Variants in PCM1 observed in about 807,000 individuals in gnomAD.
PCM1 encodes the protein pericentriolar material 1 protein.
In PCM1, 157 loss-of-function variants were observed where a neutral mutation model predicts 241.9. The observed-to-expected ratio is 0.65, with a 90% confidence interval of 0.57 to 0.74. PCM1 has a LOEUF of 0.74. Among genes scored for constraint, PCM1 ranks in the 30% least tolerant of loss-of-function variants. The pLI is 0.00. For missense variants in PCM1, 3,478 were observed against 2,360.1 expected, an observed-to-expected ratio of 1.47 and a Z score of -9.81; for synonymous variants, 1,085 against 784.9, an observed-to-expected ratio of 1.38 and a Z score of -6.39.
Position 17,939,689 on chromosome 8 carries a change from A to G in PCM1, c.613-2A>G. 1 of 1,499,608 alleles carries G rather than the reference A, an allele frequency of 6.7e-7. No homozygotes were observed. The highest frequency in any genetic ancestry group is 8.9e-7 in the Non-Finnish European group (1 of 1,118,088). 92.9% of individuals were successfully genotyped at this position (1,499,608 alleles called of 1,614,324 possible). A position where few individuals can be genotyped will look rare whatever the true frequency, so the allele number is the denominator to read the frequency against. The stretch of plus-strand genomic sequence containing the variant: ...TTTTTAAAAAAAATATTTCCCCTGC[A>G]GATTGTAAGCAGGCTTGTTCAAATT... On this transcript the variant is annotated splice_acceptor_variant, in intron 5 of 38. Transcript: ENST00000325083. LOFTEE classifies it high-confidence loss of function.
chr8:17,993,419 T>A, intron 28 of PCM1, 64 bp from the exon 29 acceptor site: 1 of 1,070,254 alleles, frequency 9.3e-7, no homozygotes, highest in Non-Finnish European at 1.3e-6. Flanking sequence ...AATTTCAACA[T>A]AAAGGCATAT....
At chr8:18,017,140 A>G (rs759847232) in intron 36 of PCM1, among the ~76,000 whole-genome samples, 94 of 144,920 alleles carry the variant, frequency 6.5e-4, no homozygotes, top group Non-Finnish European at 1.1e-3. Context: ...AGATGCTACA[A>G]AAACAACTGG....
chr8:18,007,004 A>G (rs2091513704), intron 30 of PCM1, among the ~76,000 whole-genome samples: 1 of 152,210 alleles, frequency 6.6e-6, no homozygotes, highest in Admixed American at 6.5e-5. Context: ...TACACAGGAC[A>G]GTACCCCATA....
chr8:17,960,007 C>G lies in PCM1; in HGVS notation c.2041-7C>G. On this transcript the variant is annotated splice_region_variant and splice_polypyrimidine_tract_variant and intron_variant, in intron 13 of 38. Transcript: ENST00000325083. ...AAGATTGTTTTAATGTAATGATGCT[C>G]TTTCAGGATGATGATGCAGCTCAAG... is the stretch of plus-strand genomic sequence containing the variant. The G allele has an allele frequency of 6.2e-7, 1 of 1,611,516 alleles. No homozygotes were observed. The highest frequency in any genetic ancestry group is 8.5e-7 in the Non-Finnish European group (1 of 1,178,736).
intron 24 of PCM1, among the ~76,000 whole-genome samples, chr8:17,985,026 A>C (rs966026375): frequency 1.3e-5 from 2 of 151,904 alleles, no homozygotes; most frequent in African/African-American, 4.8e-5. Flanking sequence ...TATTCTTTTT[A>C]ACATTAACAA....
intron 21 of PCM1, among the ~76,000 whole-genome samples, chr8:17,967,829 A>G (rs2075472799): frequency 6.6e-6 from 1 of 152,122 alleles, no homozygotes; most frequent in Admixed American, 6.5e-5. Context: ...CTAATAGACT[A>G]AAGGAGAGCA....
intron 6 of PCM1, chr8:17,940,154 C>T (rs1356182107): frequency 2.7e-6 from 4 of 1,503,194 alleles, no homozygotes; most frequent in Non-Finnish European, 3.6e-6. Context: ...GCTTCAGATA[C>T]CACGGTAAGC....
chr8:17,984,678 G>C (rs1463401677), intron 24 of PCM1, among the ~76,000 whole-genome samples: 1 of 151,666 alleles, frequency 6.6e-6, no homozygotes, highest in African/African-American at 2.4e-5. Flanking sequence ...ATACTTCTTT[G>C]AAAGCGCAAT....
At chr8:17,965,887 T>G in intron 18 of PCM1, 112 bp from the exon 19 acceptor site, 1 of 677,668 alleles carries the variant, frequency 1.5e-6, no homozygotes, top group Non-Finnish European at 2.5e-6. Context: ...TGTATGTTCT[T>G]TTAATTTAAA....
intron 7 of PCM1, among the ~76,000 whole-genome samples, chr8:17,947,626 G>T (rs1039329230): frequency 6.6e-6 from 1 of 152,134 alleles, no homozygotes; most frequent in Non-Finnish European, 1.5e-5. Context: ...AAAGAGACAG[G>T]CTGTAGTTCT....
intron 5 of PCM1, 81 bp downstream of exon 5, chr8:17,939,090 C>T: frequency 7.1e-7 from 1 of 1,399,196 alleles, no homozygotes; most frequent in Non-Finnish European, 9.8e-7. Flanking sequence ...TTAGGTTACG[C>T]ACACAGGAAT....
chr8:18,008,871 A>G (rs364766), intron 30 of PCM1, among the ~76,000 whole-genome samples: 150,731 of 152,250 alleles, frequency 0.99, 74,618 homozygotes, highest in East Asian at 1. Context: ...GTCTAAGAAG[A>G]AGAAATCACC....
intron 6 of PCM1, 76 bp from the exon 7 acceptor site, chr8:17,947,110 A>G (rs926381356): frequency 1.2e-6 from 1 of 813,580 alleles, no homozygotes; most frequent in South Asian, 1.9e-5. Flanking sequence ...CAATGTGTAT[A>G]CTTTGCCATT....
chr8:17,997,052 A>C (rs180867058), intron 29 of PCM1, among the ~76,000 whole-genome samples: 1 of 152,058 alleles, frequency 6.6e-6, no homozygotes, highest in South Asian at 2.1e-4. Context: ...AGATGGAAAT[A>C]AAGTATTTAG....
chr8:18,009,890 T>C (rs1348317983), intron 31 of PCM1, 146 bp downstream of exon 31: 1 of 484,244 alleles, frequency 2.1e-6, no homozygotes, highest in East Asian at 3.3e-5. Flanking sequence ...TCATTACATA[T>C]GCTAGTCACT....
chr8:18,025,399 A>T lies in PCM1; in HGVS notation c.5880A>T (p.Glu1960Asp), dbSNP rs377593512. ...ESGNISQKSDEEDFVKVEDLP... is the reference protein window; with the variant it reads ...ESGNISQKSDDEDFVKVEDLP... ...GTAATATAAGTCAAAAGTCTGATGAAGAAGATTTTGTAAAAGTTGAAGATT... is the reference window on the plus strand; with the variant it reads ...GTAATATAAGTCAAAAGTCTGATGATGAAGATTTTGTAAAAGTTGAAGATT... The change falls in exon 37 of 39, where the codon GAA becomes GAT. Residue 1960 changes from glutamate (E) to aspartate (D), a missense_variant. By Grantham distance (45) the Glu-to-Asp change is conservative (BLOSUM62 2). Coordinates refer to ENST00000325083, the MANE Select transcript of PCM1 (RefSeq NM_006197.4). The T allele has an allele frequency of 4.5e-5, 72 of 1,604,780 alleles. No individual in the cohort carries two copies. Among genetic ancestry groups the T allele is most frequent in the African/African-American group, 3.3e-4 (25 of 74,808 alleles).
At chr8:17,988,277 T>C (rs2083289538) in intron 26 of PCM1, among the ~76,000 whole-genome samples, 1 of 151,860 alleles carries the variant, frequency 6.6e-6, no homozygotes, top group Admixed American at 6.6e-5. Flanking sequence ...GGGACAAATG[T>C]TTGATTTCAT....
chr8:17,950,080 C>A (rs1418619186), intron 7 of PCM1, among the ~76,000 whole-genome samples: 1 of 152,048 alleles, frequency 6.6e-6, no homozygotes, highest in Non-Finnish European at 1.5e-5. Flanking sequence ...CACAGCCATG[C>A]CCTTTTGTTT....
chr8:17,975,039 G>A (rs570965659), intron 23 of PCM1, among the ~76,000 whole-genome samples: 157 of 152,172 alleles, frequency 1.0e-3, no homozygotes, highest in Non-Finnish European at 1.3e-3. Flanking sequence ...TTAGAAATGC[G>A]TGCTTTTGGG....
Sources: gnomAD v4.1 joint callset for allele counts (sites outside exome capture counted in the v4.1 genomes callset) on GRCh38, gnomAD v4.1.1 for gene constraint, MANE v1.5 for transcripts, NCBI Gene and HGNC (gene_info 2026-07-23, HGNC 2026-07-21) for gene names.